LRBA: variants seen among roughly 807,000 people sequenced by gnomAD.
LRBA encodes the protein LPS responsive beige-like anchor protein, also known as lipopolysaccharide-responsive and beige-like anchor protein.
A neutral mutation model predicts 330.0 loss-of-function variants in LRBA; 176 were observed. The observed-to-expected ratio is 0.53, with a 90% CI of 0.47 to 0.60. The LOEUF is 0.60. Among genes scored for constraint, LRBA ranks in the 20% least tolerant of loss-of-function variants. LRBA has a pLI of 0.00. For synonymous variants in LRBA, 1,230 were observed against 1,193.0 expected, an observed-to-expected ratio of 1.03 and a Z score of -0.64; for missense variants, 3,259 against 3,444.8, an observed-to-expected ratio of 0.95 and a Z score of 1.35.
intron 29 of LRBA, among the ~76,000 whole-genome samples, chr4:150,830,951 G>C (rs959329142): frequency 6.6e-6 from 1 of 151,796 alleles, no homozygotes; most frequent in Non-Finnish European, 1.5e-5. Flanking sequence ...TTTTAGTAGA[G>C]ATAGGGTTTT....
At chr4:150,518,500 T>C (rs1762596382) in intron 40 of LRBA, among the ~76,000 whole-genome samples, 1 of 152,192 alleles carries the variant, frequency 6.6e-6, no homozygotes, top group East Asian at 1.9e-4. Flanking sequence ...AACTTATCTT[T>C]CTTTCCTTTC....
At chr4:150,505,129 G>A (rs1760874389) in intron 40 of LRBA, among the ~76,000 whole-genome samples, 1 of 152,074 alleles carries the variant, frequency 6.6e-6, no homozygotes, top group Non-Finnish European at 1.5e-5. Context: ...CAATAATAAT[G>A]GGAGACTTTA....
chr4:150,400,381 A>C (rs1280391766), intron 47 of LRBA, among the ~76,000 whole-genome samples: 1 of 152,202 alleles, frequency 6.6e-6, no homozygotes, highest in East Asian at 1.9e-4. Context: ...TCTGCTGCTG[A>C]GATGCAGATT....
chr4:150,740,660 G>T (rs199634540), intron 35 of LRBA, among the ~76,000 whole-genome samples: 1 of 123,596 alleles, frequency 8.1e-6, no homozygotes. Flanking sequence ...AAAAAAAAAA[G>T]TTAAAACTTA....
intron 47 of LRBA, among the ~76,000 whole-genome samples, chr4:150,375,033 G>A (rs1488763898): frequency 6.6e-6 from 1 of 152,112 alleles, no homozygotes; most frequent in Non-Finnish European, 1.5e-5. Context: ...TGAGAAACCT[G>A]CAGGCTTGTA....
chr4:150,642,189 A>C (rs950885488), intron 37 of LRBA, among the ~76,000 whole-genome samples: 4 of 151,982 alleles, frequency 2.6e-5, no homozygotes, highest in Non-Finnish European at 5.9e-5. Context: ...AAAGCACAAG[A>C]ATACATTCAT....
At chr4:150,732,177 C>T (rs1730540294) in intron 36 of LRBA, among the ~76,000 whole-genome samples, 1 of 151,954 alleles carries the variant, frequency 6.6e-6, no homozygotes, top group East Asian at 1.9e-4. Flanking sequence ...CTTAAAGAAA[C>T]ATTTCCTTGT....
At chr4:150,700,758 C>CT (rs35721808) in intron 36 of LRBA, among the ~76,000 whole-genome samples, 7,921 of 141,890 alleles carry the variant, frequency 0.056, 679 homozygotes, top group African/African-American at 0.19. Context: ...CTATAATTTC[C>CT]TTTTTTTTTT....
intron 49 of LRBA, among the ~76,000 whole-genome samples, chr4:150,323,777 A>G (rs532913094): frequency 2.0e-5 from 3 of 152,310 alleles, no homozygotes; most frequent in South Asian, 2.1e-4. Context: ...ACCCCACACT[A>G]CTAGGCTACT....
At chr4:150,655,859 G>A (rs1780133539) in intron 37 of LRBA, among the ~76,000 whole-genome samples, 1 of 152,066 alleles carries the variant, frequency 6.6e-6, no homozygotes, top group South Asian at 2.1e-4. Context: ...GAACCTCAAG[G>A]GTCTTCCAAA....
chr4:150,367,575 T>C (rs1739634104), intron 47 of LRBA, among the ~76,000 whole-genome samples: 1 of 152,218 alleles, frequency 6.6e-6, no homozygotes, highest in South Asian at 2.1e-4. Flanking sequence ...ACAGCGTAAG[T>C]AGCACATGTA....
At chr4:150,287,289 A>T (rs534581313) in intron 53 of LRBA, among the ~76,000 whole-genome samples, 2 of 152,348 alleles carry the variant, frequency 1.3e-5, no homozygotes, top group South Asian at 4.1e-4. Flanking sequence ...TGCTGCTGTC[A>T]GAAAACTAAC....
intron 44 of LRBA, among the ~76,000 whole-genome samples, chr4:150,457,510 G>A (rs1047726969): frequency 1.3e-5 from 2 of 151,794 alleles, no homozygotes; most frequent in African/African-American, 4.8e-5. Flanking sequence ...ATTATCCACT[G>A]TAAAAAAGCA....
intron 40 of LRBA, among the ~76,000 whole-genome samples, chr4:150,574,132 C>T (rs527326160): frequency 1.3e-5 from 2 of 152,038 alleles, no homozygotes; most frequent in East Asian, 3.9e-4. Context: ...GGAACACATA[C>T]TGCATTTTGT....
At chr4:150,814,415 T>G (rs1156432167) in intron 31 of LRBA, among the ~76,000 whole-genome samples, 2 of 151,790 alleles carry the variant, frequency 1.3e-5, no homozygotes, top group Non-Finnish European at 2.9e-5. Flanking sequence ...AACACTAGAT[T>G]AGGTTAGATT....
chr4:150,482,963 G>A (rs1281617900), intron 42 of LRBA, among the ~76,000 whole-genome samples: 1 of 151,748 alleles, frequency 6.6e-6, no homozygotes, highest in Non-Finnish European at 1.5e-5. Context: ...ATCCAGTCTG[G>A]CGTATATTTT....
chr4:150,526,398 TCAC>T (rs903286921), intron 40 of LRBA, among the ~76,000 whole-genome samples: 20 of 152,296 alleles, frequency 1.3e-4, no homozygotes, highest in African/African-American at 4.6e-4. Flanking sequence ...AACAGATGTT[TCAC>T]CTCCTCTATA....
At chr4:151,012,156 CCTT>C (rs143257386) in intron 2 of LRBA, among the ~76,000 whole-genome samples, 3,319 of 152,304 alleles carry the variant, frequency 0.022, 116 homozygotes, top group African/African-American at 0.074. Flanking sequence ...TCTTCTCTCT[CCTT>C]CTATCCAGGC....
At chr4:150,893,236 C>A in intron 16 of LRBA, 87 bp from the exon 17 acceptor site, 1 of 689,418 alleles carries the variant, frequency 1.5e-6, no homozygotes. Flanking sequence ...GAAATTTCAA[C>A]ATTAGAAATA....
Sources: allele counts gnomAD v4.1 joint callset (sites outside exome capture counted in the v4.1 genomes callset), GRCh38; gene constraint gnomAD v4.1.1; transcripts MANE v1.5; gene names NCBI Gene and HGNC (gene_info 2026-07-23, HGNC 2026-07-21).